MS4A6E: variants seen among roughly 807,000 people sequenced by gnomAD.
MS4A6E encodes the protein membrane spanning 4-domains A6E.
In MS4A6E, 8 loss-of-function variants were observed where a neutral mutation model predicts 13.2. That is an observed-to-expected ratio of 0.60 (90% CI 0.35 to 1.09). The LOEUF is 1.09. Among genes scored for constraint, MS4A6E ranks in the 50% least tolerant of loss-of-function variants. MS4A6E has a pLI of 0.02. For synonymous variants in MS4A6E, 72 were observed against 67.6 expected (o/e 1.06, Z -0.32); for missense variants, 177 against 171.1 (o/e 1.03, Z -0.19).
In MS4A6E at chr11:60,337,741, G is replaced by C. The variant is rs780526288; in HGVS notation, c.148G>C (p.Val50Leu). Residue 50 changes from valine (V) to leucine (L), a missense_variant and splice_region_variant, in exon 3 of 5, where the codon GTG becomes CTG. Coordinates refer to ENST00000684409, the MANE Select transcript of MS4A6E (RefSeq NM_139249.4). ...RLQAKVKVIG[V>L]HSSLAGSILS... Reference sequence around the variant, plus strand: ...TTCTTACCCAGCATGTCTCTTTCAGGTGCATAGCAGCCTGGCTGGAAGCAT... The same window carrying C: ...TTCTTACCCAGCATGTCTCTTTCAGCTGCATAGCAGCCTGGCTGGAAGCAT... 1.6e-5 allele frequency: 26 copies of C among 1,614,178 alleles called. No individual in the cohort carries two copies. The highest frequency in any genetic ancestry group is 2.0e-5 in the Non-Finnish European group (24 of 1,180,038).
intron 4 of MS4A6E, among the ~76,000 whole-genome samples, chr11:60,347,737 A>G (rs954127038): frequency 1.3e-5 from 2 of 151,506 alleles, no homozygotes; most frequent in Admixed American, 6.6e-5. Flanking sequence ...TGCAGGCATA[A>G]CCCCCCACCC....
At chr11:60,335,731 G>T (rs2085184872) in intron 2 of MS4A6E, 2 of 368,354 alleles carry the variant, frequency 5.4e-6, no homozygotes, top group Non-Finnish European at 1.1e-5. Flanking sequence ...GGGTTTCTAT[G>T]AGGCTCAGGT....
intron 1 of MS4A6E, among the ~76,000 whole-genome samples, chr11:60,332,277 A>G (rs1290794422): frequency 6.6e-6 from 1 of 152,206 alleles, no homozygotes; most frequent in Admixed American, 6.5e-5. Context: ...CTCAAGTTAC[A>G]ACTGAAAGAC....
chr11:60,333,940 G>C (rs886767166), intron 1 of MS4A6E, among the ~76,000 whole-genome samples: 1 of 152,144 alleles, frequency 6.6e-6, no homozygotes, highest in Non-Finnish European at 1.5e-5. Context: ...GCATCAAAAT[G>C]AGTAGAAAAA....
chr11:60,343,574 T>C (rs926834117), downstream of MS4A6E, among the ~76,000 whole-genome samples: 1 of 152,218 alleles, frequency 6.6e-6, no homozygotes, highest in Non-Finnish European at 1.5e-5. Context: ...CTTGGGGTTC[T>C]ATGAAGTTAC....
chr11:60,343,682 G>T (rs931132564), downstream of MS4A6E, among the ~76,000 whole-genome samples: 1 of 152,210 alleles, frequency 6.6e-6, no homozygotes, highest in African/African-American at 2.4e-5. Flanking sequence ...ATGTTGAAAT[G>T]ACAAAAAGTA....
At chr11:60,328,840 A>G (rs1366745128) in intron 1 of MS4A6E, among the ~76,000 whole-genome samples, 2 of 152,192 alleles carry the variant, frequency 1.3e-5, no homozygotes, top group African/African-American at 4.8e-5. Context: ...AAGTAGGATG[A>G]GCAAATCTAG....
At chr11:60,335,835 G>A (rs1190564149) in intron 2 of MS4A6E, among the ~76,000 whole-genome samples, 1 of 152,174 alleles carries the variant, frequency 6.6e-6, no homozygotes, top group African/African-American at 2.4e-5. Context: ...CTAAGACAGA[G>A]CTTCAGTTAT....
At chr11:60,334,685 A>G (rs1590774237) in intron 1 of MS4A6E, 197 bp from the exon 2 acceptor site, 2 of 590,732 alleles carry the variant, frequency 3.4e-6, no homozygotes, top group Non-Finnish European at 5.9e-6. Flanking sequence ...ATTATCTATA[A>G]TGGACTGTGT....
chr11:60,327,441 C>T (rs1565154315), intron 1 of MS4A6E, among the ~76,000 whole-genome samples, 33 bp downstream of exon 1: 1 of 152,120 alleles, frequency 6.6e-6, no homozygotes, highest in Non-Finnish European at 1.5e-5. Flanking sequence ...TTATAATTAC[C>T]CAGTTTGTGG....
At chr11:60,327,888 G>T (rs2085129920) in intron 1 of MS4A6E, among the ~76,000 whole-genome samples, 1 of 151,980 alleles carries the variant, frequency 6.6e-6, no homozygotes, top group South Asian at 2.1e-4. Context: ...AAATTAGCCT[G>T]TCATGGTGGT....
intron 4 of MS4A6E, among the ~76,000 whole-genome samples, chr11:60,347,289 T>G (rs1292127208): frequency 6.6e-6 from 1 of 152,184 alleles, no homozygotes; most frequent in African/African-American, 2.4e-5. Context: ...TGTGCAATGC[T>G]TGCAAGTCTG....
chr11:60,338,942 G>A (rs1009881979), intron 3 of MS4A6E, among the ~76,000 whole-genome samples: 2 of 152,190 alleles, frequency 1.3e-5, no homozygotes, highest in African/African-American at 4.8e-5. Flanking sequence ...AAAAATTCTG[G>A]AGAGAAATTT....
At chr11:60,348,849 C>A (rs769874294) in intron 4 of MS4A6E, among the ~76,000 whole-genome samples, 16 of 152,158 alleles carry the variant, frequency 1.1e-4, no homozygotes, top group Non-Finnish European at 1.8e-4. Flanking sequence ...ATGTAGATGG[C>A]CATGGGATGC....
intron 1 of MS4A6E, among the ~76,000 whole-genome samples, chr11:60,330,922 G>A (rs1590772612): frequency 6.6e-6 from 1 of 152,120 alleles, no homozygotes; most frequent in African/African-American, 2.4e-5. Context: ...AGATCAGATG[G>A]CTGTAAATGT....
intron 2 of MS4A6E, 82 bp downstream of exon 2, chr11:60,335,124 G>T: frequency 6.4e-7 from 1 of 1,558,948 alleles, no homozygotes; most frequent in Non-Finnish European, 8.7e-7. Context: ...GGTCATCCTT[G>T]TGAGTGTGGA....
intron 2 of MS4A6E, among the ~76,000 whole-genome samples, chr11:60,337,400 C>T (rs1437566981): frequency 6.6e-6 from 1 of 152,088 alleles, no homozygotes; most frequent in Non-Finnish European, 1.5e-5. Flanking sequence ...GGTACATTGC[C>T]ACCTTTGCTT....
chr11:60,332,001 T>TAA (rs1224052531), intron 1 of MS4A6E, among the ~76,000 whole-genome samples: 6 of 152,182 alleles, frequency 3.9e-5, no homozygotes, highest in African/African-American at 1.4e-4. Flanking sequence ...TCGTGAGAAA[T>TAA]AAATGTTTGT....
intron 1 of MS4A6E, among the ~76,000 whole-genome samples, chr11:60,328,500 G>T (rs1302608788): frequency 6.6e-6 from 1 of 150,762 alleles, no homozygotes; most frequent in East Asian, 1.9e-4. Context: ...AGTTTTTATT[G>T]ACAGATGAAT....
Sources: gnomAD v4.1 joint callset for allele counts (sites outside exome capture counted in the v4.1 genomes callset) on GRCh38, gnomAD v4.1.1 for gene constraint, MANE v1.5 for transcripts, NCBI Gene and HGNC (gene_info 2026-07-23, HGNC 2026-07-21) for gene names.